The following ATP8A2 variants were observed in gnomAD, a reference collection of about 807,000 sequenced individuals.
ATP8A2 encodes the protein phospholipid-transporting ATPase IB.
In ATP8A2, 100 loss-of-function variants were observed where a neutral mutation model predicts 165.6. The observed-to-expected ratio is 0.60, with a 90% confidence interval of 0.51 to 0.71. The LOEUF (loss-of-function observed/expected upper bound fraction) is 0.71, where lower values mean the gene tolerates loss of function less well. Among genes scored for constraint, ATP8A2 ranks in the 30% least tolerant of loss-of-function variants. The probability of loss-of-function intolerance (pLI) is 0.00; values close to 1 mark genes in which losing one functional copy is unlikely to be tolerated. For missense variants in ATP8A2, 1,227 were observed against 1,479.5 expected (o/e 0.83, Z 2.80); for synonymous variants, 543 against 548.8 (o/e 0.99, Z 0.15).
intron 27 of ATP8A2, among the ~76,000 whole-genome samples, chr13:25,785,630 T>G (rs981936179): frequency 5.9e-5 from 9 of 152,222 alleles, no homozygotes; most frequent in African/African-American, 2.2e-4. Flanking sequence ...TTAGAACTAC[T>G]TCTGTGACAA....
intron 26 of ATP8A2, among the ~76,000 whole-genome samples, chr13:25,772,724 T>TTTAA (rs527292899): frequency 3.5e-4 from 52 of 148,988 alleles, no homozygotes; most frequent in East Asian, 2.0e-3. Flanking sequence ...GAGAGTTACA[T>TTTAA]TTAATTAATT....
intron 6 of ATP8A2, chr13:25,534,168 T>C (rs1434303614): frequency 3.8e-6 from 2 of 532,430 alleles, no homozygotes; most frequent in Non-Finnish European, 3.9e-6. Flanking sequence ...CGTTTTACTT[T>C]ACTTTGTTTT....
chr13:25,637,182 C>T (rs919143928), intron 24 of ATP8A2, among the ~76,000 whole-genome samples: 20 of 150,436 alleles, frequency 1.3e-4, no homozygotes, highest in Non-Finnish European at 2.4e-4. Flanking sequence ...CCAGCATGAG[C>T]GATGCAGAAG....
At chr13:25,656,267 T>G (rs2137660300) in intron 24 of ATP8A2, among the ~76,000 whole-genome samples, 1 of 113,168 alleles carries the variant, frequency 8.8e-6, no homozygotes, top group African/African-American at 3.4e-5. Context: ...ACACTATTAC[T>G]TAAAGTTGGA....
chr13:25,893,813 A>ATT (rs1953453472), intron 33 of ATP8A2, among the ~76,000 whole-genome samples: 1 of 151,348 alleles, frequency 6.6e-6, no homozygotes, highest in Non-Finnish European at 1.5e-5. Context: ...GATGATGAGC[A>ATT]TTTTTTCATG....
chr13:25,833,285 TA>T (rs1951524904), intron 28 of ATP8A2, among the ~76,000 whole-genome samples: 1 of 152,050 alleles, frequency 6.6e-6, no homozygotes, highest in Non-Finnish European at 1.5e-5. Flanking sequence ...TTAATATAAA[TA>T]TATATGATTC....
Position 25,770,701 on chromosome 13 carries a change from C to A in ATP8A2, c.2568+1472C>A, listed in dbSNP as rs192351474. Among the ~76,000 whole-genome samples, 80 of 152,266 alleles carry A rather than the reference C, an allele frequency of 5.3e-4. 1 individual carries two copies. Among genetic ancestry groups the A allele is most frequent in the African/African-American group, 1.8e-3 (75 of 41,556 alleles). The stretch of plus-strand genomic sequence containing the variant: ...TAGATGATTTGGCCTGCTGGATCAC[C>A]CAGAAAACCTAGACATCACAGCGAA... On this transcript the variant is annotated intron_variant, in intron 26 of 36. Transcript: ENST00000381655.
intron 26 of ATP8A2, among the ~76,000 whole-genome samples, chr13:25,770,148 T>C (rs2138295606): frequency 1.3e-5 from 2 of 152,296 alleles, no homozygotes; most frequent in Middle Eastern, 6.8e-3. Flanking sequence ...CTTTATAGTT[T>C]AAACAAAGAT....
At chr13:25,632,146 A>G (rs1171497025) in intron 24 of ATP8A2, among the ~76,000 whole-genome samples, 1 of 152,200 alleles carries the variant, frequency 6.6e-6, no homozygotes, top group Non-Finnish European at 1.5e-5. Context: ...AGAGAGATGC[A>G]TAGGTCAAGT....
chr13:25,954,912 GA>G (rs1252490038), intron 33 of ATP8A2, among the ~76,000 whole-genome samples: 1 of 152,200 alleles, frequency 6.6e-6, no homozygotes, highest in Non-Finnish European at 1.5e-5. Context: ...CAAAAAGGCT[GA>G]AAATTTCAAA....
intron 35 of ATP8A2, among the ~76,000 whole-genome samples, chr13:25,974,359 G>A (rs887687959): frequency 1.3e-5 from 2 of 152,186 alleles, no homozygotes; most frequent in Non-Finnish European, 2.9e-5. Context: ...CAGGCTCTCC[G>A]AGTTGCATCG....
At chr13:25,479,487 CTTTTA>C (rs1410280860) in intron 2 of ATP8A2, among the ~76,000 whole-genome samples, 1 of 151,910 alleles carries the variant, frequency 6.6e-6, no homozygotes, top group Non-Finnish European at 1.5e-5. Flanking sequence ...TTGTATGATT[CTTTTA>C]TTTTTATTTT....
At chr13:25,677,649 G>C (rs1369230222) in intron 24 of ATP8A2, among the ~76,000 whole-genome samples, 1 of 152,188 alleles carries the variant, frequency 6.6e-6, no homozygotes, top group Non-Finnish European at 1.5e-5. Flanking sequence ...TCTTGGTGAA[G>C]GGTAAGGTGA....
intron 1 of ATP8A2, among the ~76,000 whole-genome samples, chr13:25,393,422 T>A (rs2033316503): frequency 6.6e-6 from 1 of 151,966 alleles, no homozygotes; most frequent in African/African-American, 2.4e-5. Flanking sequence ...ACTTTTTTTA[T>A]TGTTGTTTTT....
rs912729064 is a variant in ATP8A2 at position 25,805,662 on chromosome 13, A to G, written c.2680-22456A>G. Among the ~76,000 whole-genome samples, 4 of 152,230 alleles carry G rather than the reference A, an allele frequency of 2.6e-5. No homozygotes were observed. The East Asian group carries it at 5.8e-4, about 22-fold the overall frequency. On this transcript the variant is annotated intron_variant, in intron 27 of 36. Transcript: ENST00000381655. ...TTAAAGCAGTGCATATATAGTCTCC[A>G]TATGTATTCCATACTGTAAACCATG...
At chr13:25,923,805 G>T (rs759287208) in intron 33 of ATP8A2, among the ~76,000 whole-genome samples, 69 of 152,136 alleles carry the variant, frequency 4.5e-4, no homozygotes, top group Non-Finnish European at 4.0e-4. Flanking sequence ...GTAGACATGG[G>T]GTTTAACAAT....
At chr13:25,972,832 G>A (rs1380797054) in intron 35 of ATP8A2, among the ~76,000 whole-genome samples, 2 of 152,048 alleles carry the variant, frequency 1.3e-5, no homozygotes, top group Non-Finnish European at 2.9e-5. Context: ...AATATAAACC[G>A]ATGACGGCGT....
chr13:25,626,481 G>T (rs879351929), intron 24 of ATP8A2, among the ~76,000 whole-genome samples: 13 of 152,104 alleles, frequency 8.5e-5, no homozygotes, highest in Admixed American at 7.9e-4. Flanking sequence ...ACCTCCTGAA[G>T]CCTCCATGTC....
intron 24 of ATP8A2, among the ~76,000 whole-genome samples, chr13:25,596,579 T>C (rs559080896): frequency 6.6e-6 from 1 of 152,340 alleles, no homozygotes; most frequent in East Asian, 1.9e-4. Context: ...TATTCATCCA[T>C]GTTGCTGTGT....
Sources: gnomAD v4.1 joint callset for allele counts (sites outside exome capture counted in the v4.1 genomes callset) on GRCh38, gnomAD v4.1.1 for gene constraint, MANE v1.5 for transcripts, NCBI Gene and HGNC (gene_info 2026-07-23, HGNC 2026-07-21) for gene names.